SPATS2: variants seen among roughly 807,000 people sequenced by gnomAD.
SPATS2 encodes spermatogenesis-associated serine-rich protein 2.
A neutral mutation model predicts 63.7 loss-of-function variants in SPATS2; 38 were observed. The observed-to-expected ratio is 0.60, with a 90% CI of 0.46 to 0.78. The LOEUF is 0.78. Among genes scored for constraint, SPATS2 ranks in the 30% least tolerant of loss-of-function variants. SPATS2 has a pLI of 0.00. For missense variants in SPATS2, 588 were observed against 666.2 expected (o/e 0.88, Z 1.29); for synonymous variants, 207 against 232.9 (o/e 0.89, Z 1.01).
chr12:49,511,793 A>G (rs777446584), intron 9 of SPATS2, among the ~76,000 whole-genome samples: 2 of 152,206 alleles, frequency 1.3e-5, no homozygotes, highest in Non-Finnish European at 2.9e-5. Context: ...AAAAATGCCT[A>G]TGTTGTTATC....
chr12:49,477,618 A>G (rs1271280938), intron 3 of SPATS2, among the ~76,000 whole-genome samples: 1 of 152,170 alleles, frequency 6.6e-6, no homozygotes, highest in Non-Finnish European at 1.5e-5. Context: ...GGCAACAAAG[A>G]TGGCGTTACT....
At chr12:49,439,153 A>T (rs1336843045) in intron 2 of SPATS2, among the ~76,000 whole-genome samples, 2 of 152,228 alleles carry the variant, frequency 1.3e-5, no homozygotes, top group Non-Finnish European at 2.9e-5. Flanking sequence ...AGAGCATTCC[A>T]GGCAGACAGA....
Position 49,511,469 on chromosome 12 carries a change from A to G in SPATS2, c.840-3086A>G, listed in dbSNP as rs1317884532. Among the ~76,000 whole-genome samples, 3 of 152,240 alleles carry G rather than the reference A, an allele frequency of 2.0e-5. No individual in the cohort carries two copies. The East Asian group carries it at 5.8e-4, about 29-fold the overall frequency. ...AATTTCATTAGCAGTTTTAGAATCT[A>G]GTCTGCCAGATGCTTGGTGCTTATT... On this transcript the variant is annotated intron_variant, in intron 9 of 13. Coordinates refer to ENST00000552918, the MANE Select transcript of SPATS2 (RefSeq NM_023071.4).
chr12:49,481,457 C>CCT (rs1565742917), intron 3 of SPATS2, among the ~76,000 whole-genome samples: 1 of 137,396 alleles, frequency 7.3e-6, no homozygotes, highest in African/African-American at 2.9e-5. Context: ...AAGGCTTCCT[C>CCT]ATTTTTTTTT....
chr12:49,441,536 A>G (rs1247933202), intron 2 of SPATS2, among the ~76,000 whole-genome samples: 1 of 152,102 alleles, frequency 6.6e-6, no homozygotes. Flanking sequence ...CTTAACATCA[A>G]TCTGACTTTC....
chr12:49,381,894 A>AT (rs1440944809), intron 2 of SPATS2, among the ~76,000 whole-genome samples: 2 of 152,210 alleles, frequency 1.3e-5, no homozygotes, highest in African/African-American at 4.8e-5. Flanking sequence ...ATAGGTAGAT[A>AT]TGCCGTTTCA....
intron 3 of SPATS2, chr12:49,469,561 A>AG (rs757450161): frequency 9.3e-6 from 4 of 431,392 alleles, no homozygotes; most frequent in South Asian, 3.4e-5. Context: ...AAAAAAAAAA[A>AG]AAAGAAAAAA....
chr12:49,516,720 AAAAG>A (rs1192956523), intron 10 of SPATS2, among the ~76,000 whole-genome samples: 35 of 152,094 alleles, frequency 2.3e-4, no homozygotes, highest in Admixed American at 1.8e-3. Context: ...TAAAAAAAAA[AAAAG>A]AAAAGAAAAG....
Position 49,526,452 on chromosome 12 carries a change from G to C in SPATS2, c.*197G>C. 1.5e-6 allele frequency: 1 copy of C among 674,914 alleles called. No homozygotes were observed. The highest frequency in any genetic ancestry group is 1.8e-5 in the African/African-American group (1 of 55,060). The allele number at this position is 674,914 out of a possible 1,614,324, so 41.8% of individuals were successfully genotyped here. A position where few individuals can be genotyped will look rare whatever the true frequency, so the allele number is the denominator to read the frequency against. On this transcript the variant is annotated 3_prime_UTR_variant, in exon 14 of 14. Coordinates refer to ENST00000552918, the MANE Select transcript of SPATS2 (RefSeq NM_023071.4). The stretch of plus-strand genomic sequence containing the variant: ...GGAGGGGAAGCTATTTTTTTTCCTT[G>C]ATCTTTCCCAGTGATATGGATTGAA...
chr12:49,369,965 G>A (rs1943970226), intron 1 of SPATS2, among the ~76,000 whole-genome samples: 2 of 152,170 alleles, frequency 1.3e-5, no homozygotes, highest in Non-Finnish European at 2.9e-5. Context: ...TTAGAAACCA[G>A]GAGTGAAACA....
At chr12:49,444,716 GTC>G (rs1208538031) in intron 2 of SPATS2, among the ~76,000 whole-genome samples, 7 of 151,984 alleles carry the variant, frequency 4.6e-5, no homozygotes, top group African/African-American at 1.7e-4. Context: ...CGATTCTCCT[GTC>G]TCAGCCTGCT....
At chr12:49,522,947 C>A in intron 12 of SPATS2, 94 bp downstream of exon 12, 1 of 1,034,746 alleles carries the variant, frequency 9.7e-7, no homozygotes, top group Non-Finnish European at 1.4e-6. Context: ...CTCATTAGTG[C>A]CTCTTGTTTG....
At chr12:49,515,861 G>T (rs924645174) in intron 10 of SPATS2, among the ~76,000 whole-genome samples, 8 of 151,926 alleles carry the variant, frequency 5.3e-5, no homozygotes, top group African/African-American at 7.2e-5. Context: ...AAGAAATAAG[G>T]CTGGGCGCAG....
At position 49,372,943 on chromosome 12, in the gene SPATS2, TGTG is replaced by T. The variant is rs1565689348; in HGVS notation, c.-244+1654_-244+1656del. On this transcript the variant is annotated intron_variant, in intron 2 of 13. Coordinates refer to ENST00000552918, the MANE Select transcript of SPATS2 (RefSeq NM_023071.4). ...GCCTCTCATTTGATTTTCTGTTTTG[TGTG>T]TGTGTGTGTGTGTGTGTGTGTGTGT... 1.5e-3 allele frequency among the ~76,000 whole-genome samples: 26 copies of T among 17,142 alleles called. No individual in the cohort carries two copies. The African/African-American group carries it at 0.015, about 10-fold the overall frequency. The allele number at this position is 17,142 out of a possible 152,430, so 11.2% of individuals were successfully genotyped here. A position where few individuals can be genotyped will look rare whatever the true frequency, so the allele number is the denominator to read the frequency against.
At chr12:49,401,065 C>T (rs1211541315) in intron 2 of SPATS2, among the ~76,000 whole-genome samples, 3 of 151,848 alleles carry the variant, frequency 2.0e-5, no homozygotes, top group African/African-American at 7.3e-5. Flanking sequence ...TTTGTAGAGA[C>T]AAAGTCTTAC....
intron 3 of SPATS2, among the ~76,000 whole-genome samples, chr12:49,467,263 C>T (rs535514214): frequency 7.4e-5 from 11 of 149,402 alleles, no homozygotes; most frequent in South Asian, 4.3e-4. Context: ...GGGGTTTCAC[C>T]GTGTTAGCCA....
chr12:49,507,040 A>G (rs1490331708), intron 9 of SPATS2, among the ~76,000 whole-genome samples: 1 of 152,194 alleles, frequency 6.6e-6, no homozygotes, highest in Non-Finnish European at 1.5e-5. Flanking sequence ...GGCTGAGCCT[A>G]TGAAAGTATT....
chr12:49,518,969 T>TA, intron 10 of SPATS2, 104 bp from the exon 11 acceptor site: 1 of 777,104 alleles, frequency 1.3e-6, no homozygotes, highest in Non-Finnish European at 1.9e-6. Context: ...GATAGGCAGC[T>TA]AAGCCTTTGG....
intron 3 of SPATS2, among the ~76,000 whole-genome samples, chr12:49,481,484 TGGAG>T (rs1946204998): frequency 7.9e-6 from 1 of 126,212 alleles, no homozygotes; most frequent in African/African-American, 3.4e-5. Flanking sequence ...TTTTTTTTTT[TGGAG>T]ATGGAGTCTT....
Sources: gnomAD v4.1 joint callset for allele counts (sites outside exome capture counted in the v4.1 genomes callset) on GRCh38, gnomAD v4.1.1 for gene constraint, MANE v1.5 for transcripts, NCBI Gene and HGNC (gene_info 2026-07-23, HGNC 2026-07-21) for gene names.